MESD: variants seen among roughly 807,000 people sequenced by gnomAD.
MESD encodes LRP chaperone MESD.
A neutral mutation model predicts 12.9 loss-of-function variants in MESD; 7 were observed. The ratio of observed to expected loss-of-function variants is 0.54; its 90% CI spans 0.31 to 1.02. The LOEUF is 1.02. Among genes scored for constraint, MESD ranks in the 50% least tolerant of loss-of-function variants. MESD has a pLI of 0.05. For synonymous variants in MESD, 126 were observed against 115.6 expected (o/e 1.09, Z -0.58); for missense variants, 342 against 296.7 (o/e 1.15, Z -1.12).
intron 3 of MESD, among the ~76,000 whole-genome samples, chr15:80,966,760 T>A (rs533092562): frequency 1.6e-4 from 24 of 152,186 alleles, no homozygotes; most frequent in Non-Finnish European, 3.4e-4. Flanking sequence ...ACACTGTGGG[T>A]GTGTGTATTT....
chr15:80,989,764 C>G lies in MESD; in HGVS notation c.28G>C (p.Ala10Pro). The G allele has an allele frequency of 4.4e-6, 7 of 1,595,128 alleles. No homozygotes were observed. Among genetic ancestry groups the G allele is most frequent in the Non-Finnish European group, 5.9e-6 (7 of 1,177,146 alleles). Residue 10 changes from alanine to proline, a missense_variant, in exon 1 of 3, where the codon GCC becomes CCC. By Grantham distance (27) the Ala-to-Pro change is conservative. Coordinates refer to ENST00000261758, the MANE Select transcript of MESD (RefSeq NM_015154.3). ...TCAGAGGCACAAAGCAGGACCACGG[C>G]CTTGCGCGCCCACCTGGAAGCCGCC... MAASRWARK[A>P]VVLLCASDLL...
chr15:80,987,907 A>C (rs1325585721), intron 1 of MESD, among the ~76,000 whole-genome samples: 1 of 152,226 alleles, frequency 6.6e-6, no homozygotes, highest in Non-Finnish European at 1.5e-5. Context: ...GGAGGACTGC[A>C]AAGGCCAAGA....
At chr15:80,969,098 G>A (rs1902233466) in intron 3 of MESD, among the ~76,000 whole-genome samples, 1 of 152,188 alleles carries the variant, frequency 6.6e-6, no homozygotes, top group African/African-American at 2.4e-5. Flanking sequence ...GATTGAGGTG[G>A]GAGGACCACT....
chr15:80,948,789 C>T (rs1901682077), exon 5 of MESD: 1 of 1,614,074 alleles, frequency 6.2e-7, no homozygotes, highest in East Asian at 2.2e-5. Context: ...CTCATCATTG[C>T]TTTTCAGAGC....
chr15:80,958,084 A>C (rs1902020327), intron 3 of MESD, among the ~76,000 whole-genome samples: 1 of 152,106 alleles, frequency 6.6e-6, no homozygotes, highest in Admixed American at 6.5e-5. Context: ...TTACACAAAC[A>C]CAAGGAAGTT....
rs946746299 is a variant in MESD, at chr15:80,960,841, C to T, written c.*289-8545G>A. ...TGCCCTGTTTAAGGCCCCAAGAGGC[C>T]GAGACATGTCCAGCAGCTGTTCCCT... is the stretch of plus-strand genomic sequence containing the variant. On this transcript the variant is annotated intron_variant, in intron 3 of 4. Transcript: ENST00000561312. Among the ~76,000 whole-genome samples, 10 of 152,252 alleles carry T rather than the reference C, an allele frequency of 6.6e-5. No individual in the cohort carries two copies. In the South Asian group the frequency reaches 1.2e-3, roughly 19 times the overall value.
intron 4 of MESD, chr15:80,951,770 C>T (rs1481747294): frequency 1.3e-5 from 2 of 154,236 alleles, no homozygotes; most frequent in Admixed American, 6.5e-5. Flanking sequence ...CAAAGGATGT[C>T]ATCATCTTGT....
At chr15:80,966,073 T>A (rs1455582722) in intron 3 of MESD, among the ~76,000 whole-genome samples, 1 of 152,272 alleles carries the variant, frequency 6.6e-6, no homozygotes, top group Admixed American at 6.5e-5. Context: ...TGACAAGGAA[T>A]GGTGACCCAC....
chr15:80,967,024 G>A (rs1393726534), intron 3 of MESD, among the ~76,000 whole-genome samples: 1 of 152,158 alleles, frequency 6.6e-6, no homozygotes, highest in Non-Finnish European at 1.5e-5. Flanking sequence ...CGGGCGCAGT[G>A]GCTCACTCCT....
At chr15:80,982,274 T>G in intron 1 of MESD, 92 bp from the exon 2 acceptor site, 1 of 919,460 alleles carries the variant, frequency 1.1e-6, no homozygotes, top group South Asian at 1.5e-5. Context: ...GTCAGGTGCA[T>G]GTATATGACT....
chr15:80,955,587 C>A (rs901905246), intron 3 of MESD, among the ~76,000 whole-genome samples: 7 of 150,680 alleles, frequency 4.6e-5, no homozygotes, highest in Non-Finnish European at 7.4e-5. Flanking sequence ...GTTGTTTGCA[C>A]AGTAAAGTTT....
intron 3 of MESD, among the ~76,000 whole-genome samples, chr15:80,959,372 C>T (rs982162008): frequency 4.6e-5 from 7 of 152,160 alleles, no homozygotes; most frequent in African/African-American, 7.2e-5. Flanking sequence ...AGGCTTCCCA[C>T]GAGTCAAGTG....
chr15:80,958,387 G>A (rs1902025974), intron 3 of MESD, among the ~76,000 whole-genome samples: 1 of 152,210 alleles, frequency 6.6e-6, no homozygotes, highest in East Asian at 1.9e-4. Flanking sequence ...CTGAAGAGCA[G>A]TGGTGCGATC....
chr15:80,975,247 T>C (rs1902381651), downstream of MESD, among the ~76,000 whole-genome samples: 5 of 146,890 alleles, frequency 3.4e-5, no homozygotes, highest in South Asian at 1.1e-3. Flanking sequence ...TAGCCAGGCA[T>C]AGTGGTGCAT....
chr15:80,964,596 T>C (rs1902143162), intron 3 of MESD, among the ~76,000 whole-genome samples: 1 of 152,248 alleles, frequency 6.6e-6, no homozygotes, highest in African/African-American at 2.4e-5. Context: ...CAAAACAGCA[T>C]GGCACTGTTG....
chr15:80,966,633 A>G (rs940065295), intron 3 of MESD, among the ~76,000 whole-genome samples: 1 of 151,886 alleles, frequency 6.6e-6, no homozygotes, highest in South Asian at 2.1e-4. Context: ...CTCTGTGTCC[A>G]CTCATGCCTG....
chr15:80,988,566 T>C (rs1902798610), intron 1 of MESD, among the ~76,000 whole-genome samples: 1 of 152,196 alleles, frequency 6.6e-6, no homozygotes, highest in South Asian at 2.1e-4. Context: ...AATCTTTCCA[T>C]CAGCTGTTGA....
At chr15:80,982,310 C>T (rs1000829093) in intron 1 of MESD, 128 bp from the exon 2 acceptor site, 7 of 714,782 alleles carry the variant, frequency 9.8e-6, no homozygotes, top group African/African-American at 3.6e-5. Context: ...AAAGGAAAAC[C>T]AGGGGTTTTC....
intron 3 of MESD, among the ~76,000 whole-genome samples, chr15:80,958,608 C>T (rs377076355): frequency 3.3e-5 from 5 of 152,286 alleles, no homozygotes; most frequent in African/African-American, 1.2e-4. Flanking sequence ...GCTGGGATTA[C>T]AGGCATGAGC....
Sources: gnomAD v4.1 joint callset for allele counts (sites outside exome capture counted in the v4.1 genomes callset) on GRCh38, gnomAD v4.1.1 for gene constraint, MANE v1.5 for transcripts, NCBI Gene and HGNC (gene_info 2026-07-23, HGNC 2026-07-21) for gene names.